The following PIEZO2 variants were observed in gnomAD, a reference collection of about 807,000 sequenced individuals.
PIEZO2 encodes piezo-type mechanosensitive ion channel component 2.
Under a neutral mutation model 337.3 loss-of-function variants are expected in PIEZO2, and 172 were observed. The observed-to-expected ratio is 0.51, with a 90% CI of 0.45 to 0.58. The LOEUF is 0.58. Ranked by LOEUF, PIEZO2 falls within the 20% of genes least tolerant of loss-of-function variation. The probability of loss-of-function intolerance (pLI) is 0.00; values close to 1 mark genes in which losing one functional copy is unlikely to be tolerated. For missense variants in PIEZO2, 3,028 were observed against 3,391.3 expected (o/e 0.89, Z 2.66); for synonymous variants, 1,251 against 1,228.5 (o/e 1.02, Z -0.38).
chr18:10,998,598 A>G (rs2035418651), intron 2 of PIEZO2, among the ~76,000 whole-genome samples: 1 of 152,158 alleles, frequency 6.6e-6, no homozygotes, highest in South Asian at 2.1e-4. Flanking sequence ...CTCATAACTC[A>G]TGCTAACTCC....
At position 11,099,837 on chromosome 18, in the gene PIEZO2, C is replaced by T. The variant is rs2039359636; in HGVS notation, c.65-33615G>A. Among the ~76,000 whole-genome samples, 2 of 152,124 alleles carry T rather than the reference C, an allele frequency of 1.3e-5. 1 individual carries two copies. The highest frequency in any genetic ancestry group is 4.8e-5 in the African/African-American group (2 of 41,432). On this transcript the variant is annotated intron_variant, in intron 1 of 55. Transcript: ENST00000674853. This position sits in a 1 kb window ranked among gnomAD's most constrained non-coding sequence, Gnocchi z 5.4. ...TTTGTATATCTTCTTTTGTAAGTTG[C>T]TGATGAATACTATTTTCTAGTTTTC...
At chr18:10,706,204 C>T (rs1190256139) in intron 40 of PIEZO2, among the ~76,000 whole-genome samples, 1 of 152,190 alleles carries the variant, frequency 6.6e-6, no homozygotes, top group African/African-American at 2.4e-5. Context: ...TCCTACACAA[C>T]AGACCCACCC....
intron 1 of PIEZO2, among the ~76,000 whole-genome samples, chr18:11,130,044 C>T (rs1350130429): frequency 6.6e-6 from 1 of 152,166 alleles, no homozygotes; most frequent in Non-Finnish European, 1.5e-5. Context: ...AAATAGAAGC[C>T]ATTACAGCTG....
chr18:10,724,632 G>C lies in PIEZO2; in HGVS notation c.5030-6373C>G, dbSNP rs538861606. The C allele has an allele frequency of 4.3e-6, 3 of 694,978 alleles. No individual in the cohort carries two copies. The South Asian group carries it at 5.6e-5, about 13-fold the overall frequency. 43.1% of individuals were successfully genotyped at this position (694,978 alleles called of 1,614,324 possible). On this transcript the variant is annotated intron_variant, in intron 36 of 55. Coordinates refer to ENST00000674853, the MANE Select transcript of PIEZO2 (RefSeq NM_001378183.1). This position sits in a 1 kb window ranked among gnomAD's most constrained non-coding sequence, Gnocchi z 5.8. The stretch of plus-strand genomic sequence containing the variant: ...CCCAAGACAGAATGGTGCTGGACTC[G>C]GGGTCTCAGGCGTATGATCAGGCAC...
chr18:10,847,387 A>G lies in PIEZO2; in HGVS notation c.917+7966T>C, dbSNP rs1188247023. On this transcript the variant is annotated intron_variant, in intron 7 of 55. Transcript: ENST00000674853. This position sits in a 1 kb window ranked among gnomAD's most constrained non-coding sequence, Gnocchi z 5.7. ...ACCGTGGAGATGCCCTTGGTGGGCA[A>G]AAGGAGAGAAATCTGGCCCAGAACA... 6.6e-6 allele frequency among the ~76,000 whole-genome samples: 1 copy of G among 152,216 alleles called. No individual in the cohort carries two copies. Among genetic ancestry groups the G allele is most frequent in the African/African-American group, 2.4e-5 (1 of 41,446 alleles).
intron 1 of PIEZO2, among the ~76,000 whole-genome samples, chr18:11,141,850 T>C (rs1003310442): frequency 3.9e-5 from 6 of 152,132 alleles, no homozygotes; most frequent in African/African-American, 1.4e-4. Flanking sequence ...AAGAGAGCAG[T>C]GAAGATCTCA....
intron 52 of PIEZO2, among the ~76,000 whole-genome samples, chr18:10,678,704 T>C (rs931607808): frequency 3.3e-5 from 5 of 152,178 alleles, no homozygotes; most frequent in African/African-American, 1.2e-4. Flanking sequence ...TATTTGGATG[T>C]GAGAACTTCT....
intron 41 of PIEZO2, 144 bp from the exon 42 acceptor site, chr18:10,704,796 T>A: frequency 1.0e-6 from 1 of 980,066 alleles, no homozygotes; most frequent in Non-Finnish European, 1.5e-6. Flanking sequence ...GCCATTCTCC[T>A]GCTTCAGCCT....
chr18:10,998,862 A>C (rs1311625293), intron 2 of PIEZO2, among the ~76,000 whole-genome samples: 3 of 30,318 alleles, frequency 9.9e-5, no homozygotes, highest in Non-Finnish European at 2.3e-4. Context: ...CAAATACAGC[A>C]AAAAAAAAAA....
At chr18:11,046,974 C>A (rs889753887) in intron 2 of PIEZO2, among the ~76,000 whole-genome samples, 15 of 152,192 alleles carry the variant, frequency 9.9e-5, no homozygotes, top group African/African-American at 3.4e-4. Flanking sequence ...TCCTGCAAGG[C>A]CACTGCTAGC....
chr18:10,700,749 T>C (rs1446317615), intron 43 of PIEZO2, among the ~76,000 whole-genome samples: 1 of 152,232 alleles, frequency 6.6e-6, no homozygotes, highest in Non-Finnish European at 1.5e-5. Flanking sequence ...TTTATTAATA[T>C]GTTCATAACA....
rs2144990802 is a variant in PIEZO2 at position 10,899,288 on chromosome 18, T to C, written c.329+11898A>G. 6.6e-6 allele frequency among the ~76,000 whole-genome samples: 1 copy of C among 152,292 alleles called. No individual in the cohort carries two copies. Among genetic ancestry groups the C allele is most frequent in the East Asian group, 1.9e-4 (1 of 5,180 alleles). On this transcript the variant is annotated intron_variant, in intron 4 of 55. Transcript: ENST00000674853. This position sits in a 1 kb window ranked among gnomAD's most constrained non-coding sequence, Gnocchi z 4.6. Reference sequence around the variant, plus strand: ...AATATTCTGTGTAAACTTAGGAAGGTGTGTTTGTGTGTGTGTGTGTAGAGG... The same window carrying C: ...AATATTCTGTGTAAACTTAGGAAGGCGTGTTTGTGTGTGTGTGTGTAGAGG...
rs2034005924 is a variant in PIEZO2, at chr18:10,676,489, T to C, written c.8082-1201A>G. Among the ~76,000 whole-genome samples the C allele has an allele frequency of 1.3e-5, 2 of 152,216 alleles. No individual in the cohort carries two copies. Among genetic ancestry groups the C allele is most frequent in the South Asian group, 2.1e-4 (1 of 4,834 alleles). ...GAAGTGGAGTACTTAAGTGGCAGGATAGTATTTTGAGATATATAATATGTT... is the reference window on the plus strand; with the variant it reads ...GAAGTGGAGTACTTAAGTGGCAGGACAGTATTTTGAGATATATAATATGTT... On this transcript the variant is annotated intron_variant, in intron 53 of 55. Transcript: ENST00000674853. The surrounding 1 kb of genome is among the most constrained non-coding windows in gnomAD (Gnocchi z 5.1).
In PIEZO2 at chr18:11,002,268, G is replaced by A. The variant is rs1847252240; in HGVS notation, c.161-22608C>T. Among the ~76,000 whole-genome samples, 1 of 152,154 alleles carries A rather than the reference G, an allele frequency of 6.6e-6. No homozygotes were observed. Among genetic ancestry groups the A allele is most frequent in the Non-Finnish European group, 1.5e-5 (1 of 68,040 alleles). On this transcript the variant is annotated intron_variant, in intron 2 of 55. Transcript: ENST00000674853. The surrounding 1 kb of genome is among the most constrained non-coding windows in gnomAD (Gnocchi z 4.3). Reference sequence around the variant, plus strand: ...CTCCTAGGTCATACAAAATACAGCAGTGAGTAGAGGCTGGTTCAGTCTATA... The same window carrying A: ...CTCCTAGGTCATACAAAATACAGCAATGAGTAGAGGCTGGTTCAGTCTATA...
At chr18:10,715,462 T>C (rs1359802118) in intron 38 of PIEZO2, among the ~76,000 whole-genome samples, 188 bp downstream of exon 38, 1 of 152,238 alleles carries the variant, frequency 6.6e-6, no homozygotes, top group East Asian at 1.9e-4. Flanking sequence ...TAGGTGCATG[T>C]GCATGACATT....
In PIEZO2 at chr18:10,726,799, C is replaced by CT. The variant is rs2036563290; in HGVS notation, c.5029+4607dup. The CT allele has an allele frequency of 6.4e-7, 1 of 1,555,378 alleles. No homozygotes were observed. Among genetic ancestry groups the CT allele is most frequent in the African/African-American group, 1.4e-5 (1 of 73,178 alleles). ...GGTGTCCTATGAGGATGTGGACCACCTGCGGCCCCATGGGGTGCTGGATAA... is the reference window on the plus strand; with the variant it reads ...GGTGTCCTATGAGGATGTGGACCACCTTGCGGCCCCATGGGGTGCTGGATAA... On this transcript the variant is annotated intron_variant, in intron 36 of 55. Transcript: ENST00000674853. This position sits in a 1 kb window ranked among gnomAD's most constrained non-coding sequence, Gnocchi z 5.9.
rs776659360 is a variant in PIEZO2, at chr18:10,715,687, C to A, written c.5219G>T (p.Arg1740Ile). Reference sequence around the variant, plus strand: ...TCTGGTCAGCATGCATCGTTCAATTCTCAGAACTGTAGATATATCAATATG... The same window carrying A: ...TCTGGTCAGCATGCATCGTTCAATTATCAGAACTGTAGATATATCAATATG... ...REHIDISTVLRIERCMLTREI... is the reference protein window; with the variant it reads ...REHIDISTVLIIERCMLTREI... Residue 1740 changes from arginine to isoleucine, a missense_variant, in exon 38 of 56, where the codon AGA (arginine) becomes ATA (isoleucine). Arg to Ile is a moderately conservative substitution (Grantham distance 97, BLOSUM62 -3). Around this residue, in one of 5 missense-constraint regions of PIEZO2, gnomAD observed 1,925 missense variants for 2,051.9 expected, o/e 0.94. Transcript: ENST00000674853. 4 of 1,536,264 alleles carry A rather than the reference C, an allele frequency of 2.6e-6. No homozygotes were observed. In the South Asian group the frequency reaches 3.6e-5, roughly 14 times the overall value.
At position 11,033,451 on chromosome 18, in the gene PIEZO2, T is replaced by C. The variant is rs2036810827; in HGVS notation, c.160+32676A>G. ...TCATGGATTTGTATTTAGACTGTGA[T>C]TAATGTCAAAGTTAGCATAATGTTG... On this transcript the variant is annotated intron_variant, in intron 2 of 55. Coordinates refer to ENST00000674853, the MANE Select transcript of PIEZO2 (RefSeq NM_001378183.1). The surrounding 1 kb of genome is among the most constrained non-coding windows in gnomAD (Gnocchi z 4.2). Among the ~76,000 whole-genome samples the C allele has an allele frequency of 6.6e-6, 1 of 152,228 alleles. No homozygotes were observed. Among genetic ancestry groups the C allele is most frequent in the Admixed American group, 6.5e-5 (1 of 15,284 alleles).
rs115450428 is a variant in PIEZO2 at position 10,850,757 on chromosome 18, A to G, written c.917+4596T>C. On this transcript the variant is annotated intron_variant, in intron 7 of 55. Coordinates refer to ENST00000674853, the MANE Select transcript of PIEZO2 (RefSeq NM_001378183.1). The surrounding 1 kb of genome is among the most constrained non-coding windows in gnomAD (Gnocchi z 4.5). Reference sequence around the variant, plus strand: ...TTGTTTGTAAAAAGTACCTATAGACATAAGAAAGATTCTGAAAAAAATTTG... The same window carrying G: ...TTGTTTGTAAAAAGTACCTATAGACGTAAGAAAGATTCTGAAAAAAATTTG... Among the ~76,000 whole-genome samples, 292 of 152,352 alleles carry G rather than the reference A, an allele frequency of 1.9e-3. No individual in the cohort carries two copies. The highest frequency in any genetic ancestry group is 6.4e-3 in the African/African-American group (267 of 41,586).
Sources: allele counts gnomAD v4.1 joint callset (sites outside exome capture counted in the v4.1 genomes callset), GRCh38; gene constraint gnomAD v4.1.1; regional missense constraint gnomAD v4.1.1; non-coding constraint Gnocchi (gnomAD v3.1); transcripts MANE v1.5; gene names NCBI Gene and HGNC (gene_info 2026-07-23, HGNC 2026-07-21).